Variants in RIMS2 observed in about 807,000 individuals in gnomAD.
RIMS2 encodes regulating synaptic membrane exocytosis protein 2.
RIMS2 carries 59 observed loss-of-function variants against 174.4 expected under a neutral mutation model. That is an observed-to-expected ratio of 0.34 (90% CI 0.27 to 0.42). The LOEUF (loss-of-function observed/expected upper bound fraction) is 0.42, where lower values mean the gene tolerates loss of function less well. Ranked by LOEUF, RIMS2 falls within the 10% of genes least tolerant of loss-of-function variation. RIMS2 has a pLI of 1.00. For synonymous variants in RIMS2, 606 were observed against 572.5 expected, an observed-to-expected ratio of 1.06 and a Z score of -0.84; for missense variants, 1,620 against 1,666.3, an observed-to-expected ratio of 0.97 and a Z score of 0.48.
chr8:103,664,879 A>G (rs900531640), intron 1 of RIMS2, among the ~76,000 whole-genome samples: 1 of 152,342 alleles, frequency 6.6e-6, no homozygotes. Flanking sequence ...ACCAACCCAA[A>G]TGTCCATCAC....
intron 3 of RIMS2, among the ~76,000 whole-genome samples, chr8:103,779,299 G>A (rs192016402): frequency 6.6e-6 from 1 of 152,076 alleles, no homozygotes; most frequent in African/African-American, 2.4e-5. Context: ...TGATTTTGAG[G>A]CCTTATTCAA....
chr8:104,198,862 C>A (rs2441905), intron 19 of RIMS2, among the ~76,000 whole-genome samples: 109,504 of 151,888 alleles, frequency 0.72, 40,281 homozygotes, highest in African/African-American at 0.87. Flanking sequence ...GATATTAAAT[C>A]GATTAATAGG....
chr8:103,796,552 C>T (rs892611930), intron 3 of RIMS2, among the ~76,000 whole-genome samples: 1 of 152,018 alleles, frequency 6.6e-6, no homozygotes, highest in Non-Finnish European at 1.5e-5. Flanking sequence ...TTCCTTTCCC[C>T]TATAATCTAG....
chr8:103,598,504 A>G (rs891432021), intron 1 of RIMS2, among the ~76,000 whole-genome samples: 1 of 152,184 alleles, frequency 6.6e-6, no homozygotes, highest in Non-Finnish European at 1.5e-5. Context: ...GAAAATATGC[A>G]CTAGGAGATT....
chr8:103,647,751 G>T (rs750641911), intron 1 of RIMS2, among the ~76,000 whole-genome samples: 1 of 151,962 alleles, frequency 6.6e-6, no homozygotes, highest in Non-Finnish European at 1.5e-5. Context: ...TTATATTTCT[G>T]TGGGGTCAGT....
chr8:104,194,148 CT>C (rs566753723), intron 19 of RIMS2, among the ~76,000 whole-genome samples: 6 of 150,750 alleles, frequency 4.0e-5, no homozygotes, highest in African/African-American at 9.8e-5. Flanking sequence ...TTTTTTCTTT[CT>C]TTTTTTTTCA....
chr8:103,672,057 T>C (rs1293142925), intron 1 of RIMS2, among the ~76,000 whole-genome samples: 3 of 152,106 alleles, frequency 2.0e-5, no homozygotes, highest in Admixed American at 6.5e-5. Context: ...TAAAACAGGA[T>C]CACTAGTCAC....
chr8:103,905,775 C>CTTTTTT (rs60157494), intron 4 of RIMS2, among the ~76,000 whole-genome samples: 28 of 122,028 alleles, frequency 2.3e-4, no homozygotes, highest in Non-Finnish European at 3.5e-4. Context: ...ATTTTCTTTT[C>CTTTTTT]TTTTTTTTTT....
intron 19 of RIMS2, among the ~76,000 whole-genome samples, chr8:104,177,854 A>G (rs1302416342): frequency 6.6e-6 from 1 of 152,104 alleles, no homozygotes; most frequent in Non-Finnish European, 1.5e-5. Context: ...TTATATAACC[A>G]TAACAGATAG....
intron 16 of RIMS2, 69 bp from the exon 19 acceptor site, chr8:103,989,236 T>C (rs1214271817): frequency 6.1e-6 from 6 of 979,826 alleles, no homozygotes; most frequent in South Asian, 2.9e-5. Flanking sequence ...TACTGTGCTT[T>C]AAAATAAACC....
chr8:103,663,187 T>C (rs1002658734), intron 1 of RIMS2, among the ~76,000 whole-genome samples: 2 of 151,864 alleles, frequency 1.3e-5, no homozygotes, highest in Non-Finnish European at 2.9e-5. Flanking sequence ...AAAAAAAATT[T>C]TTTTTCTGGA....
chr8:103,843,233 C>G (rs891966095), intron 3 of RIMS2, among the ~76,000 whole-genome samples: 1 of 152,120 alleles, frequency 6.6e-6, no homozygotes, highest in Non-Finnish European at 1.5e-5. Flanking sequence ...GTTTCTTGGC[C>G]TGCTTTCTCT....
At chr8:104,151,886 C>T (rs2098692051) in intron 19 of RIMS2, among the ~76,000 whole-genome samples, 1 of 151,490 alleles carries the variant, frequency 6.6e-6, no homozygotes, top group African/African-American at 2.4e-5. Context: ...AGGAAGAGCC[C>T]AAGAAGAAGA....
At chr8:103,732,571 A>T (rs1300567878) in intron 2 of RIMS2, among the ~76,000 whole-genome samples, 1 of 152,062 alleles carries the variant, frequency 6.6e-6, no homozygotes, top group Non-Finnish European at 1.5e-5. Flanking sequence ...GTCCAGAGAT[A>T]TCATCTGGGA....
intron 10 of RIMS2, chr8:103,927,778 A>T: frequency 9.3e-7 from 1 of 1,077,046 alleles, no homozygotes; most frequent in Non-Finnish European, 1.4e-6. Context: ...TTGGTCTTTT[A>T]GTTCCAGCGT....
intron 1 of RIMS2, among the ~76,000 whole-genome samples, chr8:103,567,958 A>T (rs999296043): frequency 6.6e-6 from 1 of 151,966 alleles, no homozygotes; most frequent in South Asian, 2.1e-4. Context: ...TTTATATTTT[A>T]TTTGAAGAAA....
chr8:103,655,008 C>T (rs1457646348), intron 1 of RIMS2, among the ~76,000 whole-genome samples: 3 of 151,828 alleles, frequency 2.0e-5, no homozygotes, highest in Admixed American at 2.0e-4. Flanking sequence ...ATGTAGGCTT[C>T]TTGAGGTCTG....
At chr8:104,212,136 T>C (rs371456142) in intron 19 of RIMS2, among the ~76,000 whole-genome samples, 2 of 152,336 alleles carry the variant, frequency 1.3e-5, no homozygotes, top group African/African-American at 4.8e-5. Flanking sequence ...CTGTGAGTTA[T>C]TCTAGTGGTA....
chr8:103,750,744 C>G (rs544335674), intron 2 of RIMS2, among the ~76,000 whole-genome samples: 1 of 152,238 alleles, frequency 6.6e-6, no homozygotes, highest in South Asian at 2.1e-4. Context: ...GGCACTCATT[C>G]TCTCTCCTGC....
Sources: allele counts gnomAD v4.1 joint callset (sites outside exome capture counted in the v4.1 genomes callset), GRCh38; gene constraint gnomAD v4.1.1; transcripts MANE v1.5; gene names NCBI Gene and HGNC (gene_info 2026-07-23, HGNC 2026-07-21).